Variants in FAAH2 observed in about 807,000 individuals in gnomAD.
The protein encoded by FAAH2 is fatty-acid amide hydrolase 2.
In FAAH2, 60 loss-of-function variants were observed where a neutral mutation model predicts 36.9. The ratio of observed to expected loss-of-function variants is 1.63; its 90% CI spans 1.32 to 2.02. The LOEUF is 2.02. Ranked by LOEUF, FAAH2 falls within the 30% of genes most tolerant of loss-of-function variation. The pLI is 0.00. For synonymous variants in FAAH2, 214 were observed against 143.8 expected, an observed-to-expected ratio of 1.49 and a Z score of -3.49; for missense variants, 689 against 397.5, an observed-to-expected ratio of 1.73 and a Z score of -6.23.
chrX:57,402,950 C>T (rs772884594), intron 7 of FAAH2, among the ~76,000 whole-genome samples: 2 of 112,139 alleles, frequency 1.8e-5, no homozygotes, highest in South Asian at 7.4e-4. Flanking sequence ...TATGGTGGCA[C>T]TTCTCTCATA....
intron 10 of FAAH2, 26 bp from the exon 11 acceptor site, chrX:57,488,731 T>A: frequency 8.3e-7 from 1 of 1,202,771 alleles, no homozygotes; most frequent in Non-Finnish European, 1.1e-6. Flanking sequence ...TCTTGATTTC[T>A]CACTTATTTT....
chrX:57,466,156 CTATATATA>C (rs1163626331), intron 10 of FAAH2, among the ~76,000 whole-genome samples: 4 of 66,417 alleles, frequency 6.0e-5, no homozygotes, highest in African/African-American at 2.3e-4. Context: ...CTCTCTCTCT[CTATATATA>C]TATATATATA....
the FAAH2 span, among the ~76,000 whole-genome samples, chrX:57,222,671 A>G: frequency 9.0e-6 from 1 of 111,714 alleles, no homozygotes; most frequent in Non-Finnish European, 1.9e-5. Context: ...TGCTCTATTC[A>G]TAGAAAACCC....
intron 10 of FAAH2, among the ~76,000 whole-genome samples, chrX:57,461,486 G>A (rs935036721): frequency 9.0e-6 from 1 of 111,641 alleles, no homozygotes; most frequent in Non-Finnish European, 1.9e-5. Context: ...TAGAACTCAG[G>A]ATTAAGAAAC....
chrX:57,425,582 AAC>A (rs2056141689), intron 7 of FAAH2, among the ~76,000 whole-genome samples: 1 of 111,821 alleles, frequency 8.9e-6, no homozygotes, highest in African/African-American at 3.2e-5. Context: ...TCATGAAAAA[AAC>A]ACTTTTAAAT....
intron 7 of FAAH2, among the ~76,000 whole-genome samples, chrX:57,410,712 G>C (rs759463468): frequency 2.9e-4 from 32 of 111,095 alleles, no homozygotes; most frequent in South Asian, 3.8e-4. Context: ...AATTTGCATG[G>C]AATATATTTT....
intron 7 of FAAH2, among the ~76,000 whole-genome samples, chrX:57,387,165 CT>C (rs1388717620): frequency 9.0e-6 from 1 of 111,369 alleles, no homozygotes; most frequent in African/African-American, 3.3e-5. Flanking sequence ...ATACTATGTT[CT>C]TTTTATATTA....
intron 7 of FAAH2, chrX:57,392,667 T>C: frequency 1.5e-6 from 1 of 655,713 alleles, no homozygotes; most frequent in Non-Finnish European, 2.5e-6. Context: ...TCACCTGTTC[T>C]GTTTCAGGGT....
intron 7 of FAAH2, among the ~76,000 whole-genome samples, chrX:57,405,492 C>T (rs1414480318): frequency 3.7e-5 from 4 of 108,760 alleles, no homozygotes; most frequent in Non-Finnish European, 7.6e-5. Context: ...GGGCACCTCG[C>T]TGGATCAGTA....
chrX:57,170,870 A>T, the FAAH2 span, among the ~76,000 whole-genome samples: 6 of 103,348 alleles, frequency 5.8e-5, no homozygotes, highest in African/African-American at 2.1e-4. Context: ...ATGACCAGCT[A>T]TTTTTTTTTT....
intron 7 of FAAH2, among the ~76,000 whole-genome samples, chrX:57,410,491 T>A (rs974765480): frequency 8.9e-6 from 1 of 112,157 alleles, no homozygotes; most frequent in Admixed American, 9.5e-5. Context: ...TTTGTTACTC[T>A]CTTCAGATCT....
intron 4 of FAAH2, among the ~76,000 whole-genome samples, chrX:57,340,622 C>A (rs1436269149): frequency 2.7e-5 from 3 of 111,911 alleles, no homozygotes; most frequent in Non-Finnish European, 5.6e-5. Context: ...TGAAAAGGAA[C>A]AAGATCATGT....
At chrX:57,161,377 C>T in the FAAH2 span, among the ~76,000 whole-genome samples, 87 of 111,070 alleles carry the variant, frequency 7.8e-4, 1 homozygote, top group African/African-American at 2.4e-3. Flanking sequence ...CTATTAGGTC[C>T]GCTTGGTGCA....
the FAAH2 span, among the ~76,000 whole-genome samples, chrX:57,247,291 T>G: frequency 9.0e-6 from 1 of 111,657 alleles, no homozygotes; most frequent in Non-Finnish European, 1.9e-5. Context: ...TAAGAAAAGT[T>G]TTTTTTACCT....
chrX:57,377,704 G>T (rs1411623554), intron 5 of FAAH2, among the ~76,000 whole-genome samples: 2 of 111,964 alleles, frequency 1.8e-5, no homozygotes, highest in African/African-American at 6.5e-5. Flanking sequence ...GCTTGATACG[G>T]ATAGTATTGA....
chrX:57,419,589 T>C (rs768517523), intron 7 of FAAH2, among the ~76,000 whole-genome samples: 1 of 111,850 alleles, frequency 8.9e-6, no homozygotes, highest in East Asian at 2.8e-4. Context: ...TGTAAATTTG[T>C]TTGAGTTCAT....
intron 4 of FAAH2, among the ~76,000 whole-genome samples, chrX:57,335,174 G>T (rs1381654608): frequency 8.9e-6 from 1 of 112,148 alleles, no homozygotes; most frequent in Non-Finnish European, 1.9e-5. Context: ...TGAAGGGATG[G>T]GTTGCCCCTC....
chrX:57,133,867 T>G, the FAAH2 span, among the ~76,000 whole-genome samples: 1 of 111,787 alleles, frequency 8.9e-6, no homozygotes, highest in African/African-American at 3.3e-5. Flanking sequence ...GTGTAATTCT[T>G]GAGGCAGTCA....
At chrX:57,241,663 C>A in the FAAH2 span, among the ~76,000 whole-genome samples, 5 of 111,666 alleles carry the variant, frequency 4.5e-5, no homozygotes, top group African/African-American at 1.6e-4. Context: ...ATACACTGTA[C>A]TCAATAGGTA....
Sources: gnomAD v4.1 joint callset for allele counts (sites outside exome capture counted in the v4.1 genomes callset) on GRCh38, gnomAD v4.1.1 for gene constraint, MANE v1.5 for transcripts, NCBI Gene and HGNC (gene_info 2026-07-23, HGNC 2026-07-21) for gene names.